NALF1: variants seen among roughly 807,000 people sequenced by gnomAD.
The protein encoded by NALF1 is family with sequence similarity 155 member A.
In NALF1, 3 loss-of-function variants were observed where a neutral mutation model predicts 48.4. That is an observed-to-expected ratio of 0.06 (90% CI 0.03 to 0.16). The LOEUF is 0.16. NALF1 is among the 10% of genes least tolerant of loss of function. The pLI is 1.00. For missense variants in NALF1, 526 were observed against 571.5 expected, an observed-to-expected ratio of 0.92 and a Z score of 0.81; for synonymous variants, 262 against 245.7, an observed-to-expected ratio of 1.07 and a Z score of -0.62.
At position 107,731,959 on chromosome 13, in the gene NALF1, A is replaced by G. The variant is rs1443049787; in HGVS notation, c.915+133723T>C. On this transcript the variant is annotated intron_variant, in intron 1 of 2. Coordinates refer to ENST00000375915, the MANE Select transcript of NALF1 (RefSeq NM_001080396.3). ...AGAGCTATCCTAGATTTAGGACTGT[A>G]GGAATTTGTATGATGAAGAACAAGC... Among the ~76,000 whole-genome samples the G allele has an allele frequency of 3.3e-5, 5 of 152,172 alleles. No individual in the cohort carries two copies. The East Asian group carries it at 9.6e-4, about 29-fold the overall frequency.
At chr13:107,812,859 G>GGTGT (rs1416267720) in intron 1 of NALF1, among the ~76,000 whole-genome samples, 1 of 152,010 alleles carries the variant, frequency 6.6e-6, no homozygotes, top group Non-Finnish European at 1.5e-5. Context: ...GGCGTGCAGT[G>GGTGT]GTGTCATCTT....
At chr13:107,519,094 T>A (rs1184806578) in intron 1 of NALF1, among the ~76,000 whole-genome samples, 1 of 136,460 alleles carries the variant, frequency 7.3e-6, no homozygotes, top group Non-Finnish European at 1.6e-5. Flanking sequence ...AGAGCTCTGC[T>A]AATAGCTGAT....
intron 1 of NALF1, among the ~76,000 whole-genome samples, chr13:107,218,538 C>T (rs563907705): frequency 6.6e-6 from 1 of 152,304 alleles, no homozygotes; most frequent in African/African-American, 2.4e-5. Context: ...CCCTGATGAG[C>T]CCCCAACATA....
chr13:107,491,176 G>A (rs955283173), intron 1 of NALF1, among the ~76,000 whole-genome samples: 3 of 152,154 alleles, frequency 2.0e-5, no homozygotes, highest in Non-Finnish European at 2.9e-5. Flanking sequence ...GGAACCAACT[G>A]AAAGGATGGT....
intron 1 of NALF1, among the ~76,000 whole-genome samples, chr13:107,624,015 A>G (rs1879602023): frequency 6.6e-6 from 1 of 152,214 alleles, no homozygotes; most frequent in Non-Finnish European, 1.5e-5. Context: ...TGATGAAATA[A>G]TAATCTCATC....
intron 1 of NALF1, among the ~76,000 whole-genome samples, chr13:107,724,964 A>G (rs958891702): frequency 6.6e-6 from 1 of 152,186 alleles, no homozygotes; most frequent in Non-Finnish European, 1.5e-5. Flanking sequence ...GATACTTCTC[A>G]TTCTAGCTTC....
chr13:107,767,904 G>A (rs368974117), intron 1 of NALF1, among the ~76,000 whole-genome samples: 1 of 152,174 alleles, frequency 6.6e-6, no homozygotes, highest in African/African-American at 2.4e-5. Context: ...CAATTAAAGA[G>A]TGGGGAGAGA....
chr13:107,275,308 G>C (rs1881258239), intron 1 of NALF1, among the ~76,000 whole-genome samples: 1 of 152,002 alleles, frequency 6.6e-6, no homozygotes, highest in Non-Finnish European at 1.5e-5. Context: ...TATCAATTAA[G>C]AGGGTTTAAA....
chr13:107,500,574 T>C (rs111761940), intron 1 of NALF1, among the ~76,000 whole-genome samples: 37,659 of 148,098 alleles, frequency 0.25, 4,824 homozygotes, highest in East Asian at 0.37. Flanking sequence ...GAACTAGAAA[T>C]ACCATTTGAC....
chr13:107,640,718 T>G (rs1880128248), intron 1 of NALF1, among the ~76,000 whole-genome samples: 1 of 152,196 alleles, frequency 6.6e-6, no homozygotes, highest in African/African-American at 2.4e-5. Flanking sequence ...AGAATAATAA[T>G]AATCCAAGAA....
In NALF1 at chr13:107,618,777, AT is replaced by A. The variant is rs1342224095; in HGVS notation, c.915+246904del. On this transcript the variant is annotated intron_variant, in intron 1 of 2. Coordinates refer to ENST00000375915, the MANE Select transcript of NALF1 (RefSeq NM_001080396.3). The stretch of plus-strand genomic sequence containing the variant: ...AGTGTCATTTAGGGATACGAGGGAT[AT>A]TGGGGATAGACTGAGGGTCAGGGAA... 1.3e-4 allele frequency among the ~76,000 whole-genome samples: 20 copies of A among 152,276 alleles called. No homozygotes were observed. In the South Asian group the frequency reaches 3.9e-3, roughly 30 times the overall value.
intron 1 of NALF1, among the ~76,000 whole-genome samples, chr13:107,518,325 T>C (rs1273616731): frequency 6.6e-6 from 1 of 152,156 alleles, no homozygotes; most frequent in African/African-American, 2.4e-5. Context: ...GCTTTCTTAA[T>C]TGTTCACATT....
At chr13:107,218,937 A>G (rs1198934024) in intron 1 of NALF1, among the ~76,000 whole-genome samples, 3 of 152,262 alleles carry the variant, frequency 2.0e-5, no homozygotes. Flanking sequence ...TTTCCAGAAC[A>G]GTTCTATTAT....
At chr13:107,337,685 T>G (rs1014491946) in intron 1 of NALF1, among the ~76,000 whole-genome samples, 4 of 152,092 alleles carry the variant, frequency 2.6e-5, no homozygotes, top group Admixed American at 2.6e-4. Context: ...GCTGACCAAC[T>G]TGCACACAGA....
intron 1 of NALF1, among the ~76,000 whole-genome samples, chr13:107,558,986 C>T (rs1217347446): frequency 1.3e-5 from 2 of 152,170 alleles, no homozygotes; most frequent in African/African-American, 2.4e-5. Flanking sequence ...GGAAGGAAAC[C>T]GTGGGCTTTC....
intron 1 of NALF1, among the ~76,000 whole-genome samples, chr13:107,464,589 C>T (rs1043748073): frequency 1.3e-5 from 2 of 152,000 alleles, no homozygotes; most frequent in African/African-American, 2.4e-5. Context: ...GGCGCAATCT[C>T]GACTCACTGC....
At chr13:107,361,412 T>C (rs1327462875) in intron 1 of NALF1, among the ~76,000 whole-genome samples, 1 of 152,086 alleles carries the variant, frequency 6.6e-6, no homozygotes, top group African/African-American at 2.4e-5. Context: ...CAGAAGCATC[T>C]ACATATATGT....
chr13:107,635,835 C>T (rs1460144732), intron 1 of NALF1, among the ~76,000 whole-genome samples: 1 of 152,050 alleles, frequency 6.6e-6, no homozygotes, highest in African/African-American at 2.4e-5. Flanking sequence ...AATTGATTGG[C>T]TTGAATAGGG....
intron 1 of NALF1, among the ~76,000 whole-genome samples, chr13:107,541,291 A>C (rs1215463506): frequency 6.6e-6 from 1 of 152,118 alleles, no homozygotes; most frequent in Non-Finnish European, 1.5e-5. Flanking sequence ...TCCAGCATGG[A>C]TGGTACATTG....
Sources: allele counts gnomAD v4.1 joint callset (sites outside exome capture counted in the v4.1 genomes callset), GRCh38; gene constraint gnomAD v4.1.1; transcripts MANE v1.5; gene names NCBI Gene and HGNC (gene_info 2026-07-23, HGNC 2026-07-21).